NR3C1: variants seen among roughly 807,000 people sequenced by gnomAD.
The protein encoded by NR3C1 is nuclear receptor subfamily 3 group C member 1, also known as glucocorticoid receptor.
In NR3C1, 14 loss-of-function variants were observed where a neutral mutation model predicts 74.0. The ratio of observed to expected loss-of-function variants is 0.19; its 90% CI spans 0.12 to 0.30. The LOEUF is 0.30. NR3C1 is among the 10% of genes least tolerant of loss of function. The pLI, the probability that NR3C1 is intolerant of heterozygous loss-of-function variation, is 1.00. For missense variants in NR3C1, 695 were observed against 909.8 expected, an observed-to-expected ratio of 0.76 and a Z score of 3.04; for synonymous variants, 308 against 332.5, an observed-to-expected ratio of 0.93 and a Z score of 0.80.
At chr5:143,307,640 C>A (rs1417953619) in intron 4 of NR3C1, among the ~76,000 whole-genome samples, 7 of 152,036 alleles carry the variant, frequency 4.6e-5, no homozygotes, top group Admixed American at 4.6e-4. Context: ...TCATTCAAAA[C>A]CTATTTCGAA....
chr5:143,404,294 C>T (rs1019759941), upstream of NR3C1: 15 of 985,622 alleles, frequency 1.5e-5, no homozygotes, highest in South Asian at 6.6e-4. Flanking sequence ...GTCTCGGCCG[C>T]GCTCGGGGCC....
intron 1 of NR3C1, among the ~76,000 whole-genome samples, chr5:143,423,469 G>A (rs1055964951): frequency 1.3e-5 from 2 of 152,094 alleles, no homozygotes; most frequent in Non-Finnish European, 2.9e-5. Context: ...TCTCAAAAGT[G>A]TGGAGAAAGG....
chr5:143,386,158 C>G (rs749587737), intron 2 of NR3C1, among the ~76,000 whole-genome samples: 3 of 152,170 alleles, frequency 2.0e-5, no homozygotes, highest in Non-Finnish European at 4.4e-5. Flanking sequence ...GCAACCAGAT[C>G]TCATGAGAAC....
At chr5:143,336,626 T>C (rs150015955) in intron 2 of NR3C1, among the ~76,000 whole-genome samples, 8 of 152,146 alleles carry the variant, frequency 5.3e-5, no homozygotes, top group African/African-American at 9.7e-5. Context: ...GGTCAGACTA[T>C]GAGTGCCAAC....
intron 2 of NR3C1, among the ~76,000 whole-genome samples, chr5:143,336,718 T>G (rs1261204721): frequency 1.3e-5 from 2 of 152,108 alleles, no homozygotes; most frequent in East Asian, 3.8e-4. Context: ...ATGCCTGTAA[T>G]CCCAGCACTT....
intron 7 of NR3C1, 52 bp from the exon 8 acceptor site, chr5:143,282,777 CTTTTTTTTTTTTTT>C: frequency 7.5e-7 from 1 of 1,325,984 alleles, no homozygotes; most frequent in African/African-American, 1.6e-5. Flanking sequence ...CTTTTCTTTT[CTTTTTTTTTTTTTT>C]TTGAGATAGA....
intron 2 of NR3C1, among the ~76,000 whole-genome samples, chr5:143,369,751 T>G (rs1041692894): frequency 2.6e-5 from 4 of 152,172 alleles, no homozygotes; most frequent in Non-Finnish European, 5.9e-5. Context: ...CAATCAAAAA[T>G]GTCAATAGTC....
At chr5:143,413,570 T>C (rs1841374878) in intron 1 of NR3C1, among the ~76,000 whole-genome samples, 1 of 152,170 alleles carries the variant, frequency 6.6e-6, no homozygotes, top group African/African-American at 2.4e-5. Context: ...TGTTTTGTTT[T>C]CTGGAAAGAT....
At position 143,294,794 on chromosome 5, in the gene NR3C1, C is replaced by T. The variant is rs572338564; in HGVS notation, c.2023+666G>A. ...TTAGTAATATGCATTTAACGTCCCTCCATGTGTTTTCATGGCTTGACAGCT... is the reference window on the plus strand; with the variant it reads ...TTAGTAATATGCATTTAACGTCCCTTCATGTGTTTTCATGGCTTGACAGCT... On this transcript the variant is annotated intron_variant, in intron 7 of 8. Coordinates refer to ENST00000394464, the MANE Select transcript of NR3C1 (RefSeq NM_000176.3). 156 of 397,008 alleles carry T rather than the reference C, an allele frequency of 3.9e-4. 1 individual carries two copies. Among genetic ancestry groups the T allele is most frequent in the African/African-American group, 7.2e-4 (33 of 45,976 alleles). 24.6% of individuals were successfully genotyped at this position (397,008 alleles called of 1,614,324 possible).
rs766243522 is a variant in NR3C1 at position 143,297,075 on chromosome 5, C to CAAAAAAAAAAA, written c.1893-1496_1893-1486dup. Among the ~76,000 whole-genome samples the CAAAAAAAAAAA allele has an allele frequency of 9.3e-4, 56 of 60,288 alleles. 1 individual carries two copies. The highest frequency in any genetic ancestry group is 1.2e-3 in the Non-Finnish European group (37 of 29,714). The allele number at this position is 60,288 out of a possible 152,430, so 39.6% of individuals were successfully genotyped here. On this transcript the variant is annotated intron_variant, in intron 6 of 8. Transcript: ENST00000394464. ...CTGGGTGACAGAGTAAGACTCGTCT[C>CAAAAAAAAAAA]AAAAAAAAAAAAAAAAAAAAAGAAA...
intron 2 of NR3C1, among the ~76,000 whole-genome samples, chr5:143,341,753 A>C (rs935742011): frequency 1.3e-5 from 2 of 152,240 alleles, no homozygotes; most frequent in Non-Finnish European, 1.5e-5. Flanking sequence ...ATTTTGGGGA[A>C]AGAAAAGACC....
intron 1 of NR3C1, 96 bp from the exon 2 acceptor site, chr5:143,400,948 G>T: frequency 3.3e-6 from 3 of 898,210 alleles, no homozygotes; most frequent in Non-Finnish European, 5.3e-6. Context: ...CTTGTTAAAT[G>T]AACCTTTTAG....
intron 1 of NR3C1, among the ~76,000 whole-genome samples, chr5:143,418,480 T>C (rs965248149): frequency 1.3e-5 from 2 of 152,230 alleles, no homozygotes; most frequent in African/African-American, 4.8e-5. Context: ...GAAGTAATTA[T>C]GTTTCTTTCA....
At chr5:143,424,648 G>A (rs1262875528) in intron 1 of NR3C1, among the ~76,000 whole-genome samples, 1 of 152,058 alleles carries the variant, frequency 6.6e-6, no homozygotes, top group Non-Finnish European at 1.5e-5. Context: ...GTGGAAAATA[G>A]ACACATAAAC....
At position 143,403,199 on chromosome 5, in the gene NR3C1, C is replaced by G. The variant is rs1173357593; in HGVS notation, c.-14+12G>C. 5.1e-6 allele frequency: 5 copies of G among 985,030 alleles called. No homozygotes were observed. The highest frequency in any genetic ancestry group is 1.0e-3 in the Middle Eastern group (2 of 1,934). 61.0% of individuals were successfully genotyped at this position (985,030 alleles called of 1,614,324 possible). On this transcript the variant is annotated intron_variant, in intron 1 of 8. Coordinates refer to ENST00000394464, the MANE Select transcript of NR3C1 (RefSeq NM_000176.3). ...CGAGCGCGCCCCGGCCCCCTCCCGC[C>G]TCGCTTCTTACCTCTGGCAGAGGAG...
chr5:143,415,463 A>G (rs562064296), intron 1 of NR3C1, among the ~76,000 whole-genome samples: 41 of 152,242 alleles, frequency 2.7e-4, no homozygotes, highest in Non-Finnish European at 2.2e-4. Context: ...GATTAACTAT[A>G]ATTTATTGTA....
chr5:143,367,685 T>C (rs1282478155), intron 2 of NR3C1, among the ~76,000 whole-genome samples: 1 of 152,194 alleles, frequency 6.6e-6, no homozygotes, highest in African/African-American at 2.4e-5. Flanking sequence ...AGAATAAATT[T>C]AATCGAAGTA....
In NR3C1 at chr5:143,430,373, C is replaced by T. The variant is rs545822310; in HGVS notation, c.-14+4159G>A. Among the ~76,000 whole-genome samples, 12 of 152,224 alleles carry T rather than the reference C, an allele frequency of 7.9e-5. No homozygotes were observed. In the South Asian group the frequency reaches 2.5e-3, roughly 32 times the overall value. On this transcript the variant is annotated intron_variant, in intron 1 of 8. Coordinates refer to the NR3C1 transcript ENST00000343796. ...TGGATGTGAGATGATGGTAGATTTT[C>T]TTCTACATATTTTTCTGTACTTTTT... is the stretch of plus-strand genomic sequence containing the variant.
intron 2 of NR3C1, among the ~76,000 whole-genome samples, chr5:143,363,102 C>A (rs1032949654): frequency 6.6e-6 from 1 of 152,136 alleles, no homozygotes; most frequent in Non-Finnish European, 1.5e-5. Flanking sequence ...TGCCCTAATG[C>A]ATACACAGAG....
Sources: allele counts gnomAD v4.1 joint callset (sites outside exome capture counted in the v4.1 genomes callset), GRCh38; gene constraint gnomAD v4.1.1; transcripts MANE v1.5; gene names NCBI Gene and HGNC (gene_info 2026-07-23, HGNC 2026-07-21).